Variants in UBE2R2 observed in about 807,000 individuals in gnomAD.
UBE2R2 encodes the protein ubiquitin-conjugating enzyme E2 R2.
UBE2R2 carries 1 observed loss-of-function variant against 27.8 expected under a neutral mutation model. The ratio of observed to expected loss-of-function variants is 0.04; its 90% CI spans 0.01 to 0.17. UBE2R2 has a LOEUF of 0.17. Among genes scored for constraint, UBE2R2 ranks in the 10% least tolerant of loss-of-function variants. The pLI is 1.00. For synonymous variants in UBE2R2, 106 were observed against 113.3 expected, an observed-to-expected ratio of 0.94 and a Z score of 0.41; for missense variants, 100 against 291.0, an observed-to-expected ratio of 0.34 and a Z score of 4.78.
chr9:33,875,692 A>G (rs1277089324), intron 1 of UBE2R2, among the ~76,000 whole-genome samples: 12 of 152,250 alleles, frequency 7.9e-5, no homozygotes, highest in Admixed American at 1.3e-4. Flanking sequence ...GGAACTTGAA[A>G]TCCAGAGATT....
intron 2 of UBE2R2, among the ~76,000 whole-genome samples, chr9:33,895,764 CTCTCTTTTTTTTT>C (rs970212061): frequency 7.7e-6 from 1 of 130,124 alleles, no homozygotes; most frequent in African/African-American, 3.0e-5. Context: ...TTCTCTCTCT[CTCTCTTTTTTTTT>C]TTTTTTTTTT....
At chr9:33,851,160 A>G (rs1030932028) in intron 1 of UBE2R2, among the ~76,000 whole-genome samples, 2 of 152,182 alleles carry the variant, frequency 1.3e-5, no homozygotes, top group African/African-American at 4.8e-5. Flanking sequence ...CACTCTTTTT[A>G]AAAACAATTA....
rs148830122 is a variant in UBE2R2 at position 33,884,849 on chromosome 9, A to G, written c.178-2032A>G. ...GCTGAAAACTAGAAATTTAAATAAT[A>G]TACAGTGGCACCTGCAGGAATCCAA... On this transcript the variant is annotated intron_variant, in intron 1 of 4. Coordinates refer to ENST00000263228, the MANE Select transcript of UBE2R2 (RefSeq NM_017811.4). Among the ~76,000 whole-genome samples, 17 of 152,248 alleles carry G rather than the reference A, an allele frequency of 1.1e-4. No individual in the cohort carries two copies. The East Asian group carries it at 2.9e-3, about 26-fold the overall frequency.
At chr9:33,901,336 C>A (rs1221245669) in intron 3 of UBE2R2, among the ~76,000 whole-genome samples, 1 of 152,076 alleles carries the variant, frequency 6.6e-6, no homozygotes, top group Non-Finnish European at 1.5e-5. Flanking sequence ...TGTGGCTTAT[C>A]CCTGTTGATG....
chr9:33,849,279 C>A (rs903597520), intron 1 of UBE2R2, among the ~76,000 whole-genome samples: 1 of 151,884 alleles, frequency 6.6e-6, no homozygotes, highest in African/African-American at 2.4e-5. Flanking sequence ...TAAATAAACT[C>A]CTGTTTATTG....
chr9:33,902,144 A>T (rs929626337), intron 3 of UBE2R2, among the ~76,000 whole-genome samples: 1 of 151,920 alleles, frequency 6.6e-6, no homozygotes, highest in East Asian at 1.9e-4. Flanking sequence ...GTCTCAAACT[A>T]CTGGGCTCAA....
rs533301814 is a variant in UBE2R2, at chr9:33,881,780, T to A, written c.178-5101T>A. On this transcript the variant is annotated intron_variant, in intron 1 of 4. Transcript: ENST00000263228. Reference sequence around the variant, plus strand: ...TCATGATACCAATATGATTTACTGCTAGTGATGTTAACCTTGATCACTTGG... The same window carrying A: ...TCATGATACCAATATGATTTACTGCAAGTGATGTTAACCTTGATCACTTGG... Among the ~76,000 whole-genome samples, 8 of 152,334 alleles carry A rather than the reference T, an allele frequency of 5.3e-5. 1 individual carries two copies. The South Asian group carries it at 1.7e-3, about 32-fold the overall frequency.
intron 3 of UBE2R2, among the ~76,000 whole-genome samples, chr9:33,901,369 G>A (rs903589849): frequency 2.0e-5 from 3 of 152,130 alleles, no homozygotes; most frequent in Non-Finnish European, 1.5e-5. Flanking sequence ...TCACCTGCCT[G>A]AAATAATATT....
chr9:33,895,954 G>A (rs1206378166), intron 2 of UBE2R2, among the ~76,000 whole-genome samples: 2 of 151,274 alleles, frequency 1.3e-5, no homozygotes, highest in African/African-American at 2.4e-5. Flanking sequence ...TTGTATTTTT[G>A]TAGAGACGGG....
intron 3 of UBE2R2, among the ~76,000 whole-genome samples, chr9:33,902,237 A>G (rs1455977300): frequency 2.0e-5 from 3 of 152,118 alleles, no homozygotes; most frequent in Non-Finnish European, 2.9e-5. Flanking sequence ...TTTTGTAAAG[A>G]TGGGGTCTCA....
chr9:33,895,703 C>T (rs926096510), intron 2 of UBE2R2, among the ~76,000 whole-genome samples: 6 of 150,910 alleles, frequency 4.0e-5, no homozygotes, highest in Non-Finnish European at 8.8e-5. Flanking sequence ...CTTTGAGCAC[C>T]GTTTTGTAGT....
At chr9:33,837,193 T>TA (rs1396813889) in intron 1 of UBE2R2, among the ~76,000 whole-genome samples, 10 of 152,300 alleles carry the variant, frequency 6.6e-5, no homozygotes, top group Admixed American at 1.3e-4. Context: ...TTAATTCTTC[T>TA]AATTAACATA....
At chr9:33,884,305 G>A (rs1299198629) in intron 1 of UBE2R2, among the ~76,000 whole-genome samples, 1 of 114,556 alleles carries the variant, frequency 8.7e-6, no homozygotes, top group Non-Finnish European at 1.7e-5. Flanking sequence ...TTTTTTTTGA[G>A]ACAGGCTCTT....
intron 3 of UBE2R2, among the ~76,000 whole-genome samples, chr9:33,907,835 T>TG (rs1174214607): frequency 2.9e-5 from 4 of 137,726 alleles, no homozygotes. Flanking sequence ...GTTTTGTTGT[T>TG]GTTTTTTTTT....
chr9:33,910,314 A>G (rs1294815741), intron 3 of UBE2R2, among the ~76,000 whole-genome samples: 1 of 151,434 alleles, frequency 6.6e-6, no homozygotes, highest in Non-Finnish European at 1.5e-5. Flanking sequence ...ACACCTGGCT[A>G]ATTTTTGTAT....
At chr9:33,901,919 T>C (rs1401437039) in intron 3 of UBE2R2, among the ~76,000 whole-genome samples, 1 of 151,124 alleles carries the variant, frequency 6.6e-6, no homozygotes, top group Non-Finnish European at 1.5e-5. Context: ...TTTCTTTTTT[T>C]TTTTTTTTTT....
chr9:33,890,984 G>A (rs2130800183), intron 2 of UBE2R2, among the ~76,000 whole-genome samples: 1 of 152,144 alleles, frequency 6.6e-6, no homozygotes, highest in Non-Finnish European at 1.5e-5. Context: ...TGTGGTAATA[G>A]AGATCTAGAG....
chr9:33,915,129 C>CA (rs552572059), intron 4 of UBE2R2, among the ~76,000 whole-genome samples: 11,769 of 107,216 alleles, frequency 0.11, 493 homozygotes, highest in South Asian at 0.15. Flanking sequence ...GACCTTGTCT[C>CA]AAAAAAAAAA....
At chr9:33,886,597 G>A (rs1265680325) in intron 1 of UBE2R2, among the ~76,000 whole-genome samples, 2 of 150,344 alleles carry the variant, frequency 1.3e-5, no homozygotes, top group African/African-American at 4.9e-5. Flanking sequence ...GGAGGTTGCA[G>A]TGAGCTGAGG....
Sources: allele counts gnomAD v4.1 joint callset (sites outside exome capture counted in the v4.1 genomes callset), GRCh38; gene constraint gnomAD v4.1.1; transcripts MANE v1.5; gene names NCBI Gene and HGNC (gene_info 2026-07-23, HGNC 2026-07-21).